The following FAM110B variants were observed in gnomAD, a reference collection of about 807,000 sequenced individuals.
FAM110B encodes protein FAM110B.
A neutral mutation model predicts 20.4 loss-of-function variants in FAM110B; 6 were observed. The ratio of observed to expected loss-of-function variants is 0.29; its 90% confidence interval spans 0.16 to 0.58. The LOEUF (loss-of-function observed/expected upper bound fraction) is 0.58, where lower values mean the gene tolerates loss of function less well. FAM110B is among the 20% of genes least tolerant of loss of function. The pLI is 0.90. For synonymous variants in FAM110B, 226 were observed against 214.1 expected (o/e 1.06, Z -0.49); for missense variants, 434 against 498.2 (o/e 0.87, Z 1.23).
intron 2 of FAM110B, among the ~76,000 whole-genome samples, chr8:58,071,171 A>G (rs1444923551): frequency 1.3e-5 from 2 of 152,186 alleles, no homozygotes; most frequent in African/African-American, 2.4e-5. Context: ...ATTAAAAAAA[A>G]TGGTACATTC....
intron 3 of FAM110B, among the ~76,000 whole-genome samples, chr8:58,125,737 T>C (rs946831415): frequency 1.9e-4 from 29 of 152,220 alleles, no homozygotes; most frequent in Non-Finnish European, 1.2e-4. Flanking sequence ...ATTTACATTG[T>C]AATTTTAACC....
At chr8:58,101,851 G>A (rs1806787411) in intron 3 of FAM110B, among the ~76,000 whole-genome samples, 1 of 152,122 alleles carries the variant, frequency 6.6e-6, no homozygotes, top group Non-Finnish European at 1.5e-5. Context: ...TACAAGTACA[G>A]CCATGAGGCA....
chr8:58,001,744 G>C (rs1804301228), intron 1 of FAM110B, among the ~76,000 whole-genome samples: 1 of 152,142 alleles, frequency 6.6e-6, no homozygotes, highest in South Asian at 2.1e-4. Flanking sequence ...TTGTGCCAGA[G>C]ATACTTAAGT....
intron 3 of FAM110B, among the ~76,000 whole-genome samples, chr8:58,083,289 A>C (rs1178857768): frequency 6.6e-6 from 1 of 152,194 alleles, no homozygotes; most frequent in Non-Finnish European, 1.5e-5. Flanking sequence ...GAAACAGAAG[A>C]AACTGGGTTA....
intron 2 of FAM110B, among the ~76,000 whole-genome samples, chr8:58,066,842 A>T (rs970734028): frequency 6.6e-6 from 1 of 152,018 alleles, no homozygotes; most frequent in Non-Finnish European, 1.5e-5. Flanking sequence ...CCCTCTACTC[A>T]TGTGGGCTGG....
intron 2 of FAM110B, among the ~76,000 whole-genome samples, chr8:58,066,078 A>G (rs1342191372): frequency 6.6e-6 from 1 of 152,124 alleles, no homozygotes; most frequent in Non-Finnish European, 1.5e-5. Context: ...AACCTCTTTA[A>G]TTCATGCCCC....
chr8:58,049,266 G>A (rs1216507282), intron 2 of FAM110B, among the ~76,000 whole-genome samples: 1 of 152,166 alleles, frequency 6.6e-6, no homozygotes, highest in Non-Finnish European at 1.5e-5. Flanking sequence ...CCTTTGCATG[G>A]ATGGATGAAA....
At position 58,019,602 on chromosome 8, in the gene FAM110B, G is replaced by A. The variant is rs76674834; in HGVS notation, c.-511-12004G>A. ...AACTTCTTGAATTTGCCTTCATTTT[G>A]TTGCTGAGTATGTAGTATTCTAGGT... is the stretch of plus-strand genomic sequence containing the variant. On this transcript the variant is annotated intron_variant, in intron 1 of 3. Coordinates refer to ENST00000519262, the MANE Select transcript of FAM110B (RefSeq NM_001377989.1). 4.7e-3 allele frequency among the ~76,000 whole-genome samples: 713 copies of A among 151,930 alleles called. 5 individuals carry two copies. The highest frequency in any genetic ancestry group is 0.016 in the African/African-American group (684 of 41,456).
At chr8:58,007,642 G>A (rs557190311) in intron 1 of FAM110B, among the ~76,000 whole-genome samples, 3 of 152,298 alleles carry the variant, frequency 2.0e-5, no homozygotes, top group African/African-American at 7.2e-5. Context: ...AACCCCAGAG[G>A]ACTCCCCTCC....
At position 58,049,670 on chromosome 8, in the gene FAM110B, A is replaced by G. The variant is rs570975882; in HGVS notation, c.-414+17967A>G. Among the ~76,000 whole-genome samples, 16 of 152,360 alleles carry G rather than the reference A, an allele frequency of 1.1e-4. No individual in the cohort carries two copies. The South Asian group carries it at 3.1e-3, about 30-fold the overall frequency. ...TGTACTGATTGAAATTGCTCGTTTC[A>G]ATTCCTAACAGACTGTCTGTGTCTT... On this transcript the variant is annotated intron_variant, in intron 2 of 3. Coordinates refer to ENST00000519262, the MANE Select transcript of FAM110B (RefSeq NM_001377989.1).
At chr8:58,087,871 C>T (rs1156966034) in intron 3 of FAM110B, among the ~76,000 whole-genome samples, 1 of 152,130 alleles carries the variant, frequency 6.6e-6, no homozygotes, top group African/African-American at 2.4e-5. Context: ...GGGGCCAGTG[C>T]CCAGTTTAAA....
chr8:58,011,359 G>T (rs1804529638), intron 1 of FAM110B, among the ~76,000 whole-genome samples: 1 of 152,076 alleles, frequency 6.6e-6, no homozygotes, highest in African/African-American at 2.4e-5. Flanking sequence ...TAGAGCGCTG[G>T]CCTTTCGAGC....
intron 2 of FAM110B, among the ~76,000 whole-genome samples, chr8:58,058,266 AT>A (rs1805586959): frequency 6.6e-6 from 1 of 151,884 alleles, no homozygotes; most frequent in Non-Finnish European, 1.5e-5. Flanking sequence ...ACCCAAGATT[AT>A]TTTTAAAGAC....
chr8:58,086,195 T>TTTGG (rs1806330075), intron 3 of FAM110B, among the ~76,000 whole-genome samples: 1 of 152,200 alleles, frequency 6.6e-6, no homozygotes, highest in Non-Finnish European at 1.5e-5. Flanking sequence ...AATTGCCTCA[T>TTTGG]TTGGAGCCTT....
intron 3 of FAM110B, among the ~76,000 whole-genome samples, chr8:58,143,929 AT>A (rs980541702): frequency 1.3e-5 from 2 of 152,226 alleles, no homozygotes; most frequent in Non-Finnish European, 2.9e-5. Context: ...CCATAGAAAA[AT>A]TCAGTCATTC....
chr8:58,083,330 T>C (rs976200636), intron 3 of FAM110B, among the ~76,000 whole-genome samples: 1 of 152,206 alleles, frequency 6.6e-6, no homozygotes, highest in Non-Finnish European at 1.5e-5. Flanking sequence ...AACATTATGG[T>C]GCAGAATGGT....
chr8:58,059,497 C>A (rs1232308597), intron 2 of FAM110B, among the ~76,000 whole-genome samples: 1 of 151,972 alleles, frequency 6.6e-6, no homozygotes. Context: ...TTGCATTTCC[C>A]TTATAACTAC....
chr8:58,143,038 A>AGT (rs35604660), intron 3 of FAM110B, among the ~76,000 whole-genome samples: 60,446 of 151,978 alleles, frequency 0.4, 11,918 homozygotes, highest in Non-Finnish European at 0.41. Flanking sequence ...TCTCGTACAA[A>AGT]GTCTACACTA....
At chr8:58,050,518 G>A (rs1805418177) in intron 2 of FAM110B, among the ~76,000 whole-genome samples, 1 of 152,190 alleles carries the variant, frequency 6.6e-6, no homozygotes, top group Non-Finnish European at 1.5e-5. Context: ...CGGCAGGGCT[G>A]AGGTCCGTGT....
Sources: allele counts gnomAD v4.1 joint callset (sites outside exome capture counted in the v4.1 genomes callset), GRCh38; gene constraint gnomAD v4.1.1; transcripts MANE v1.5; gene names NCBI Gene and HGNC (gene_info 2026-07-23, HGNC 2026-07-21).